NCKAP5: variants seen among roughly 807,000 people sequenced by gnomAD.
The protein encoded by NCKAP5 is NCK associated protein 5, also known as nck-associated protein 5.
NCKAP5 carries 92 observed loss-of-function variants against 167.0 expected under a neutral mutation model. The ratio of observed to expected loss-of-function variants is 0.55; its 90% CI spans 0.47 to 0.66. The LOEUF (loss-of-function observed/expected upper bound fraction) is 0.66. Among genes scored for constraint, NCKAP5 ranks in the 30% least tolerant of loss-of-function variants. The pLI is 0.00. For missense variants in NCKAP5, 2,378 were observed against 2,315.0 expected, an observed-to-expected ratio of 1.03 and a Z score of -0.56; for synonymous variants, 891 against 877.4, an observed-to-expected ratio of 1.02 and a Z score of -0.27.
intron 19 of NCKAP5, among the ~76,000 whole-genome samples, chr2:132,688,775 C>T (rs1686310759): frequency 6.6e-6 from 1 of 151,890 alleles, no homozygotes; most frequent in Non-Finnish European, 1.5e-5. Context: ...CGTTTCAGAC[C>T]AGGAGTTCGA....
chr2:133,556,603 A>G (rs1687756798), intron 2 of NCKAP5: 1 of 152,200 alleles, frequency 6.6e-6, no homozygotes. Flanking sequence ...TTCCTTAGCA[A>G]GTGCAGATGA....
intron 8 of NCKAP5, among the ~76,000 whole-genome samples, chr2:132,948,602 G>A (rs1379851905): frequency 6.6e-6 from 1 of 152,130 alleles, no homozygotes; most frequent in East Asian, 1.9e-4. Context: ...CAAGCTCTTG[G>A]AGAGCCCCAA....
intron 16 of NCKAP5, among the ~76,000 whole-genome samples, chr2:132,767,714 G>A (rs777465769): frequency 6.6e-6 from 1 of 152,140 alleles, no homozygotes; most frequent in Non-Finnish European, 1.5e-5. Context: ...GAAACACCCT[G>A]GAAAAATGGA....
At chr2:132,712,468 A>G (rs144282232) in intron 19 of NCKAP5, among the ~76,000 whole-genome samples, 5,223 of 152,140 alleles carry the variant, frequency 0.034, 119 homozygotes, top group Non-Finnish European at 0.05. Context: ...TGGCTAACAC[A>G]GTGAAACCCC....
At chr2:132,754,607 A>G (rs1485737057) in intron 16 of NCKAP5, among the ~76,000 whole-genome samples, 1 of 152,244 alleles carries the variant, frequency 6.6e-6, no homozygotes, top group South Asian at 2.1e-4. Context: ...ACAGCAGCAG[A>G]GTTGACATTT....
chr2:133,642,082 G>A, the NCKAP5 span, among the ~76,000 whole-genome samples: 1 of 152,126 alleles, frequency 6.6e-6, no homozygotes, highest in Non-Finnish European at 1.5e-5. Flanking sequence ...AAAAGGGAAA[G>A]GAAATAGCTG....
At chr2:133,199,609 T>C (rs547971208) in intron 5 of NCKAP5, among the ~76,000 whole-genome samples, 2 of 152,186 alleles carry the variant, frequency 1.3e-5, no homozygotes, top group South Asian at 4.1e-4. Context: ...ATCTCTCATA[T>C]ATTTCTAGTG....
chr2:133,167,285 C>G (rs1309986372), intron 5 of NCKAP5, among the ~76,000 whole-genome samples: 1 of 152,088 alleles, frequency 6.6e-6, no homozygotes, highest in African/African-American at 2.4e-5. Flanking sequence ...GGGTGGAAGG[C>G]AGCATAATGA....
At chr2:133,593,552 T>A in the NCKAP5 span, among the ~76,000 whole-genome samples, 1 of 152,200 alleles carries the variant, frequency 6.6e-6, no homozygotes. Flanking sequence ...TATTTTTTAT[T>A]CTCTTTTTGC....
At chr2:133,546,691 A>T (rs1430795750) in intron 2 of NCKAP5, among the ~76,000 whole-genome samples, 2 of 152,120 alleles carry the variant, frequency 1.3e-5, no homozygotes, top group Non-Finnish European at 2.9e-5. Context: ...AAAAAACAAA[A>T]CAACAACAAA....
chr2:133,173,276 C>A (rs967259862), intron 5 of NCKAP5, among the ~76,000 whole-genome samples: 1 of 152,106 alleles, frequency 6.6e-6, no homozygotes, highest in Admixed American at 6.5e-5. Flanking sequence ...GATTTCAACT[C>A]TGGGGGGAGC....
Position 132,720,731 on chromosome 2 carries a change from C to G in NCKAP5, c.5713+4896G>C, listed in dbSNP as rs75169671. Among the ~76,000 whole-genome samples, 8 of 152,254 alleles carry G rather than the reference C, an allele frequency of 5.3e-5. 1 individual carries two copies. Among genetic ancestry groups the G allele is most frequent in the Admixed American group, 2.0e-4 (3 of 15,298 alleles). On this transcript the variant is annotated intron_variant, in intron 19 of 19. Coordinates refer to ENST00000409261, the MANE Select transcript of NCKAP5 (RefSeq NM_207363.3). ...CTAAGGGAAATTCCAGGGAACCGGC[C>G]CGGCACAGTGGCTCACCCTGTAATC...
the NCKAP5 span, among the ~76,000 whole-genome samples, chr2:133,640,973 T>C: frequency 6.6e-6 from 1 of 152,242 alleles, no homozygotes; most frequent in Non-Finnish European, 1.5e-5. Context: ...CCCCTTTTCC[T>C]GTGCCTTTTC....
chr2:132,717,743 T>G (rs1689502054), intron 19 of NCKAP5, among the ~76,000 whole-genome samples: 1 of 152,216 alleles, frequency 6.6e-6, no homozygotes, highest in African/African-American at 2.4e-5. Context: ...TCTTTGTAAT[T>G]TGTTGAATGT....
chr2:132,828,441 T>C (rs571829962), intron 11 of NCKAP5, among the ~76,000 whole-genome samples: 14 of 152,166 alleles, frequency 9.2e-5, no homozygotes, highest in African/African-American at 3.4e-4. Context: ...ACCTCCCCCT[T>C]CTCTCTCTTG....
At chr2:133,535,859 T>G (rs1163439328) in intron 2 of NCKAP5, among the ~76,000 whole-genome samples, 3 of 152,234 alleles carry the variant, frequency 2.0e-5, no homozygotes, top group Non-Finnish European at 4.4e-5. Flanking sequence ...ATTATCTCAT[T>G]GTGGTTTGGA....
chr2:132,945,172 C>T (rs1208871795), intron 8 of NCKAP5, among the ~76,000 whole-genome samples: 1 of 152,080 alleles, frequency 6.6e-6, no homozygotes, highest in Non-Finnish European at 1.5e-5. Context: ...ACTCCCTACA[C>T]CCAGATAAGT....
chr2:133,252,309 A>G (rs2088384981), intron 4 of NCKAP5, among the ~76,000 whole-genome samples: 1 of 152,238 alleles, frequency 6.6e-6, no homozygotes, highest in Non-Finnish European at 1.5e-5. Flanking sequence ...TTAAATGGAA[A>G]GAAATCCATC....
rs1239241380 is a variant in NCKAP5, at chr2:133,467,963, TC to T, written c.69+49494del. The stretch of plus-strand genomic sequence containing the variant: ...TTGTTGATCCTTTCAAAAAACCAGC[TC>T]CTGGATTCATTAATTTTTTGAAGGG... On this transcript the variant is annotated intron_variant, in intron 3 of 19. Coordinates refer to ENST00000409261, the MANE Select transcript of NCKAP5 (RefSeq NM_207363.3). Among the ~76,000 whole-genome samples the T allele has an allele frequency of 2.4e-5, 3 of 124,274 alleles. No homozygotes were observed. The Admixed American group carries it at 2.5e-4, about 11-fold the overall frequency. 81.5% of individuals were successfully genotyped at this position (124,274 alleles called of 152,430 possible).
Sources: allele counts gnomAD v4.1 joint callset (sites outside exome capture counted in the v4.1 genomes callset), GRCh38; gene constraint gnomAD v4.1.1; transcripts MANE v1.5; gene names NCBI Gene and HGNC (gene_info 2026-07-23, HGNC 2026-07-21).